LAMA2: variants seen among roughly 807,000 people sequenced by gnomAD.
The protein encoded by LAMA2 is laminin subunit alpha 2.
A neutral mutation model predicts 364.8 loss-of-function variants in LAMA2; 269 were observed. The observed-to-expected ratio is 0.74, with a 90% CI of 0.67 to 0.82. LAMA2 has a LOEUF of 0.82. LAMA2 is among the 40% of genes least tolerant of loss of function. LAMA2 has a pLI of 0.00. For synonymous variants in LAMA2, 1,379 were observed against 1,370.6 expected (o/e 1.01, Z -0.14); for missense variants, 3,807 against 3,873.2 (o/e 0.98, Z 0.45).
chr6:129,249,047 T>A (rs999603560), intron 12 of LAMA2, among the ~76,000 whole-genome samples: 2 of 152,200 alleles, frequency 1.3e-5, no homozygotes, highest in African/African-American at 4.8e-5. Context: ...CAATTTAAAA[T>A]CCTGTTTAAT....
chr6:128,919,713 G>A (rs1003361741), intron 1 of LAMA2, among the ~76,000 whole-genome samples: 18 of 152,162 alleles, frequency 1.2e-4, no homozygotes, highest in Non-Finnish European at 2.5e-4. Context: ...AAACACAATA[G>A]TATTGAGCTA....
intron 55 of LAMA2, among the ~76,000 whole-genome samples, chr6:129,484,432 C>G (rs1397777089): frequency 6.6e-6 from 1 of 152,050 alleles, no homozygotes; most frequent in African/African-American, 2.4e-5. Flanking sequence ...GGGTACAGAC[C>G]CAGATTTTTG....
intron 1 of LAMA2, among the ~76,000 whole-genome samples, chr6:128,907,364 T>C (rs1419758441): frequency 7.4e-5 from 11 of 149,424 alleles, no homozygotes; most frequent in African/African-American, 2.7e-4. Context: ...CCCTTGTAAG[T>C]TGGATTCCTA....
chr6:129,070,346 A>G (rs939726912), intron 3 of LAMA2, among the ~76,000 whole-genome samples: 3 of 152,184 alleles, frequency 2.0e-5, no homozygotes, highest in African/African-American at 7.2e-5. Context: ...TGTAATGTGA[A>G]AAATGGAAAA....
intron 31 of LAMA2, among the ~76,000 whole-genome samples, chr6:129,352,152 A>G (rs977008364): frequency 1.3e-5 from 2 of 152,264 alleles, no homozygotes; most frequent in Non-Finnish European, 2.9e-5. Context: ...GGGACACTAT[A>G]TTAAAAACAG....
intron 12 of LAMA2, among the ~76,000 whole-genome samples, chr6:129,231,567 C>T (rs1231002938): frequency 2.0e-5 from 3 of 152,108 alleles, no homozygotes; most frequent in Non-Finnish European, 4.4e-5. Flanking sequence ...TGGTTGTTCA[C>T]TTCCCTTCCA....
chr6:129,385,982 A>G (rs1036787088), intron 35 of LAMA2, among the ~76,000 whole-genome samples: 1 of 152,244 alleles, frequency 6.6e-6, no homozygotes, highest in East Asian at 1.9e-4. Flanking sequence ...CGCGTAGTCT[A>G]CTAAGATGCT....
chr6:129,507,389 A>G (rs887043938), intron 61 of LAMA2, 100 bp from the exon 62 acceptor site: 62 of 1,260,120 alleles, frequency 4.9e-5, no homozygotes, highest in Non-Finnish European at 6.7e-5. Flanking sequence ...AGACAACTGG[A>G]TAACTACACA....
chr6:129,369,271 C>CT (rs771289738), intron 33 of LAMA2, among the ~76,000 whole-genome samples: 70 of 152,084 alleles, frequency 4.6e-4, no homozygotes, highest in Non-Finnish European at 8.4e-4. Flanking sequence ...AGGGTAGTCT[C>CT]TTTTTTTCTG....
At chr6:129,315,979 A>T in intron 26 of LAMA2, 29 bp downstream of exon 26, 2 of 1,612,894 alleles carry the variant, frequency 1.2e-6, no homozygotes, top group Non-Finnish European at 1.7e-6. Flanking sequence ...TGGTGCAAAG[A>T]TACCAATCAA....
At chr6:129,306,196 A>G (rs908330004) in intron 22 of LAMA2, among the ~76,000 whole-genome samples, 1 of 151,614 alleles carries the variant, frequency 6.6e-6, no homozygotes, top group African/African-American at 2.4e-5. Flanking sequence ...AATGCTTTAA[A>G]TTCCTTTGTG....
Position 129,478,752 on chromosome 6 carries a change from C to T in LAMA2, c.7511C>T (p.Thr2504Ile). The T allele has an allele frequency of 6.2e-7, 1 of 1,612,216 alleles. No individual in the cohort carries two copies. Among genetic ancestry groups the T allele is most frequent in the Non-Finnish European group, 8.5e-7 (1 of 1,178,278 alleles). ...CTCAAAGATATTGAAATTTCAAGAA[C>T]TCCGTACAATATACTCAGTAGTCCC... Reference protein sequence around the residue: ...GCLKDIEISRTPYNILSSPDY... With the variant: ...GCLKDIEISRIPYNILSSPDY... The change falls in exon 54 of 65, where the codon ACT becomes ATT. Residue 2504 changes from threonine (T) to isoleucine (I), a missense_variant. Thr to Ile is a moderately conservative substitution (Grantham distance 89). This residue lies in a region of LAMA2 where 3,333 missense variants were observed against 3,345.7 expected (regional missense o/e 1.00). Transcript: ENST00000421865.
At chr6:129,199,298 A>G (rs1294014335) in intron 12 of LAMA2, among the ~76,000 whole-genome samples, 1 of 152,230 alleles carries the variant, frequency 6.6e-6, no homozygotes, top group African/African-American at 2.4e-5. Flanking sequence ...GTAAAATTAA[A>G]CATTCTTCAT....
intron 12 of LAMA2, among the ~76,000 whole-genome samples, chr6:129,248,130 C>T (rs771883639): frequency 1.3e-5 from 2 of 152,146 alleles, no homozygotes; most frequent in African/African-American, 2.4e-5. Context: ...GAGCAGGAAC[C>T]TTATTGTGAA....
rs185969552 is a variant in LAMA2 at position 129,489,427 on chromosome 6, T to G, written c.7899-2474T>G. Among the ~76,000 whole-genome samples the G allele has an allele frequency of 5.3e-4, 80 of 152,328 alleles. 1 individual carries two copies. In the Middle Eastern group the frequency reaches 0.014, roughly 26 times the overall value. ...CTAATTTCTTGGCACTCCAGTGACC[T>G]CTGCCTCCTATATCTGCTTTGTCCT... On this transcript the variant is annotated intron_variant, in intron 56 of 64. Transcript: ENST00000421865.
chr6:129,227,247 G>T (rs940972880), intron 12 of LAMA2, among the ~76,000 whole-genome samples: 1 of 152,006 alleles, frequency 6.6e-6, no homozygotes, highest in South Asian at 2.1e-4. Context: ...CTTTTTTCAA[G>T]GTTTTTAGCT....
intron 1 of LAMA2, among the ~76,000 whole-genome samples, chr6:128,896,051 A>T (rs1220230323): frequency 1.3e-5 from 2 of 152,184 alleles, no homozygotes; most frequent in African/African-American, 4.8e-5. Context: ...CAAGGGCCTC[A>T]TACTGCTCTG....
At chr6:128,980,744 A>G (rs760753481) in intron 1 of LAMA2, among the ~76,000 whole-genome samples, 1 of 152,190 alleles carries the variant, frequency 6.6e-6, no homozygotes, top group Non-Finnish European at 1.5e-5. Context: ...AGTGAACTGC[A>G]TGTCCATTTT....
chr6:128,987,763 A>G (rs9492177), intron 1 of LAMA2, among the ~76,000 whole-genome samples: 44,359 of 152,108 alleles, frequency 0.29, 7,050 homozygotes, highest in African/African-American at 0.4. Context: ...ACCTTAGACA[A>G]GTCAGCCAAC....
Sources: allele counts gnomAD v4.1 joint callset (sites outside exome capture counted in the v4.1 genomes callset), GRCh38; gene constraint gnomAD v4.1.1; regional missense constraint gnomAD v4.1.1; transcripts MANE v1.5; gene names NCBI Gene and HGNC (gene_info 2026-07-23, HGNC 2026-07-21).